The following CTIF variants were observed in gnomAD, a reference collection of about 807,000 sequenced individuals.
CTIF encodes CBP80/20-dependent translation initiation factor.
A neutral mutation model predicts 66.0 loss-of-function variants in CTIF; 21 were observed. That is an observed-to-expected ratio of 0.32 (90% CI 0.23 to 0.46). The LOEUF is 0.46. Ranked by LOEUF, CTIF falls within the 20% of genes least tolerant of loss-of-function variation. The pLI is 1.00. For missense variants in CTIF, 739 were observed against 812.7 expected, an observed-to-expected ratio of 0.91 and a Z score of 1.10; for synonymous variants, 345 against 326.4, an observed-to-expected ratio of 1.06 and a Z score of -0.62.
chr18:48,754,924 A>G (rs1284595617), intron 7 of CTIF, among the ~76,000 whole-genome samples: 1 of 152,220 alleles, frequency 6.6e-6, no homozygotes, highest in Non-Finnish European at 1.5e-5. Flanking sequence ...GCCCCTGACC[A>G]CTAGCCATAT....
intron 3 of CTIF, among the ~76,000 whole-genome samples, chr18:48,662,980 C>G (rs962611266): frequency 6.6e-6 from 1 of 152,086 alleles, no homozygotes; most frequent in Non-Finnish European, 1.5e-5. Flanking sequence ...CTGTACATGT[C>G]TTTTGGTGAG....
intron 9 of CTIF, among the ~76,000 whole-genome samples, chr18:48,809,047 G>A (rs957264340): frequency 5.3e-5 from 8 of 152,096 alleles, no homozygotes; most frequent in Admixed American, 1.3e-4. Context: ...AGTTGAAGAC[G>A]TTCTCTTAAA....
At chr18:48,665,040 G>A (rs1203459508) in intron 5 of CTIF, among the ~76,000 whole-genome samples, 1 of 150,912 alleles carries the variant, frequency 6.6e-6, no homozygotes, top group African/African-American at 2.4e-5. Flanking sequence ...TCAGCCTCCC[G>A]AGTAGCTGGG....
At chr18:48,710,716 C>T (rs2092213917) in intron 6 of CTIF, among the ~76,000 whole-genome samples, 1 of 152,174 alleles carries the variant, frequency 6.6e-6, no homozygotes, top group Non-Finnish European at 1.5e-5. Context: ...GTCATGATGA[C>T]AATACGCAAA....
intron 1 of CTIF, among the ~76,000 whole-genome samples, chr18:48,585,971 G>T (rs930993805): frequency 1.3e-5 from 2 of 152,118 alleles, no homozygotes; most frequent in Non-Finnish European, 2.9e-5. Context: ...TTCCCTTTGG[G>T]TGAACTCTTG....
rs1357941072 is a variant in CTIF, at chr18:48,761,537, G to A, written c.1219G>A (p.Glu407Lys). The change falls in exon 9 of 12, where the codon GAG (glutamate) becomes AAG (lysine). Residue 407 changes from glutamate (E) to lysine (K), a missense_variant. Around this residue, in one of 2 missense-constraint regions of CTIF, gnomAD observed 210 missense variants for 292.3 expected, o/e 0.72. Transcript: ENST00000256413. The surrounding 1 kb of genome is among the most constrained non-coding windows in gnomAD (Gnocchi z 4.2). ...MEEAQNSTNS[E>K]EMLGEIVRTI... ...GGAGGCCCAGAACTCCACCAACTCC[G>A]AGGAGATGCTGGGCGAGATCGTGCG... The A allele has an allele frequency of 1.2e-6, 2 of 1,614,206 alleles. No homozygotes were observed. Among genetic ancestry groups the A allele is most frequent in the South Asian group, 1.1e-5 (1 of 91,092 alleles).
intron 7 of CTIF, among the ~76,000 whole-genome samples, chr18:48,720,460 C>T (rs917213002): frequency 6.6e-6 from 1 of 152,156 alleles, no homozygotes; most frequent in Admixed American, 6.5e-5. Context: ...TCTATGCTCA[C>T]TTTGCCCACG....
intron 6 of CTIF, among the ~76,000 whole-genome samples, chr18:48,679,039 A>G (rs1357781750): frequency 6.6e-6 from 1 of 152,212 alleles, no homozygotes. Flanking sequence ...TAAAATATTG[A>G]CTCTCTGGCT....
chr18:48,615,781 G>T (rs1312955129), intron 1 of CTIF, among the ~76,000 whole-genome samples: 1 of 152,212 alleles, frequency 6.6e-6, no homozygotes, highest in African/African-American at 2.4e-5. Context: ...GAGACCCCGG[G>T]GCAGCTGAGG....
chr18:48,851,716 C>A (rs1383684783), intron 10 of CTIF, among the ~76,000 whole-genome samples: 2 of 152,146 alleles, frequency 1.3e-5, no homozygotes, highest in Non-Finnish European at 2.9e-5. Flanking sequence ...CGACATCCGC[C>A]TGCGGCTGCT....
intron 1 of CTIF, among the ~76,000 whole-genome samples, chr18:48,603,704 G>A (rs2090149661): frequency 6.6e-6 from 1 of 152,060 alleles, no homozygotes; most frequent in South Asian, 2.1e-4. Context: ...ATGGATGGAT[G>A]AATAGATATA....
chr18:48,793,716 C>T (rs1046386629), intron 9 of CTIF, among the ~76,000 whole-genome samples: 1 of 152,168 alleles, frequency 6.6e-6, no homozygotes, highest in Non-Finnish European at 1.5e-5. Flanking sequence ...TAAAATTGCT[C>T]CCAAATACTT....
intron 1 of CTIF, among the ~76,000 whole-genome samples, chr18:48,552,551 T>C (rs1481178157): frequency 6.6e-6 from 1 of 152,284 alleles, no homozygotes; most frequent in East Asian, 1.9e-4. Context: ...CTTTTCATGA[T>C]GGAATGGGTG....
intron 3 of CTIF, among the ~76,000 whole-genome samples, chr18:48,653,340 CAG>C (rs764318400): frequency 6.6e-6 from 1 of 152,152 alleles, no homozygotes; most frequent in Non-Finnish European, 1.5e-5. Flanking sequence ...CAATAACAAA[CAG>C]AGAGCCAAAT....
chr18:48,646,475 G>A (rs1001810136), intron 3 of CTIF, among the ~76,000 whole-genome samples: 2 of 151,962 alleles, frequency 1.3e-5, no homozygotes, highest in African/African-American at 4.8e-5. Context: ...GGCCAAGAGC[G>A]GTGGCTCATG....
intron 9 of CTIF, among the ~76,000 whole-genome samples, chr18:48,787,319 A>G (rs1372419352): frequency 1.3e-5 from 2 of 152,148 alleles, no homozygotes; most frequent in African/African-American, 2.4e-5. Flanking sequence ...GGGAAGGAAG[A>G]AAGAAAGACA....
At chr18:48,636,154 C>A (rs1286120949) in intron 2 of CTIF, among the ~76,000 whole-genome samples, 3 of 152,190 alleles carry the variant, frequency 2.0e-5, no homozygotes, top group South Asian at 4.1e-4. Flanking sequence ...TGGGCTCTTT[C>A]CTGGTGCCAA....
At chr18:48,758,942 G>T (rs2145870494) in intron 8 of CTIF, among the ~76,000 whole-genome samples, 1 of 151,850 alleles carries the variant, frequency 6.6e-6, no homozygotes, top group East Asian at 2.0e-4. Context: ...AGAGGCCAGG[G>T]AGTGCTCTAC....
intron 1 of CTIF, among the ~76,000 whole-genome samples, chr18:48,553,603 C>A (rs926538963): frequency 6.6e-6 from 1 of 151,870 alleles, no homozygotes; most frequent in Admixed American, 6.6e-5. Flanking sequence ...ATGTATCTGT[C>A]GTAGATTTTA....
Sources: gnomAD v4.1 joint callset for allele counts (sites outside exome capture counted in the v4.1 genomes callset) on GRCh38, gnomAD v4.1.1 for gene constraint, gnomAD v4.1.1 regional missense constraint, Gnocchi (gnomAD v3.1) non-coding constraint, MANE v1.5 for transcripts, NCBI Gene and HGNC (gene_info 2026-07-23, HGNC 2026-07-21) for gene names.